The following ZFHX3 variants were observed in gnomAD, a reference collection of about 807,000 sequenced individuals.
ZFHX3 encodes the protein zinc finger homeobox protein 3.
In ZFHX3, 42 loss-of-function variants were observed where a neutral mutation model predicts 279.1. The ratio of observed to expected loss-of-function variants is 0.15; its 90% CI spans 0.12 to 0.19. ZFHX3 has a LOEUF of 0.19. ZFHX3 is among the 10% of genes least tolerant of loss of function. ZFHX3 has a pLI of 1.00. For synonymous variants in ZFHX3, 2,293 were observed against 1,957.8 expected (o/e 1.17, Z -4.52); for missense variants, 4,981 against 4,754.0 (o/e 1.05, Z -1.40).
In ZFHX3 at chr16:73,143,751, C is replaced by T. The variant is rs1466930661; in HGVS notation, c.-1024+1G>A. 6.9e-6 allele frequency: 9 copies of T among 1,305,170 alleles called. No homozygotes were observed. The highest frequency in any genetic ancestry group is 8.1e-6 in the Non-Finnish European group (8 of 988,670). The allele number at this position is 1,305,170 out of a possible 1,614,324, so 80.8% of individuals were successfully genotyped here. A position where few individuals can be genotyped will look rare whatever the true frequency, so the allele number is the denominator to read the frequency against. On this transcript the variant is annotated splice_donor_variant, in intron 6 of 17. Transcript: ENST00000641206. LOFTEE classifies it low-confidence loss of function (5UTR_SPLICE). ...TGAGAAACAAGAAAGCTGGAACTCA[C>T]CTCTCTAATTCCGGCAAAGCTGGAC...
At chr16:73,378,681 G>A (rs879927257) in intron 3 of ZFHX3, among the ~76,000 whole-genome samples, 3 of 152,090 alleles carry the variant, frequency 2.0e-5, no homozygotes, top group Non-Finnish European at 4.4e-5. Context: ...CATAACCCTC[G>A]TCCTTGACCA....
chr16:73,686,717 A>G (rs1409864037), intron 1 of ZFHX3, among the ~76,000 whole-genome samples: 1 of 152,088 alleles, frequency 6.6e-6, no homozygotes, highest in African/African-American at 2.4e-5. Flanking sequence ...TGTACTAACT[A>G]TAAAAGCAGT....
At chr16:73,560,294 C>G (rs2020350680) in intron 2 of ZFHX3, among the ~76,000 whole-genome samples, 1 of 152,160 alleles carries the variant, frequency 6.6e-6, no homozygotes. Flanking sequence ...CCTTCCGCCG[C>G]TGACATACAG....
At chr16:73,599,492 C>A (rs1252485908) in intron 2 of ZFHX3, among the ~76,000 whole-genome samples, 1 of 152,214 alleles carries the variant, frequency 6.6e-6, no homozygotes, top group African/African-American at 2.4e-5. Flanking sequence ...CCCTTCTGGG[C>A]ACAGGGCTCC....
chr16:73,037,141 G>A (rs2144691517), intron 1 of ZFHX3, among the ~76,000 whole-genome samples: 1 of 152,304 alleles, frequency 6.6e-6, no homozygotes, highest in South Asian at 2.1e-4. Flanking sequence ...ATTAAAAGCG[G>A]AGTCCAAACT....
At chr16:73,011,664 A>G (rs1963923748) in intron 1 of ZFHX3, among the ~76,000 whole-genome samples, 1 of 152,024 alleles carries the variant, frequency 6.6e-6, no homozygotes, top group Non-Finnish European at 1.5e-5. Context: ...CAGAGGTCGC[A>G]GTGCATGGAT....
At chr16:73,298,206 C>A (rs542515732) in intron 4 of ZFHX3, among the ~76,000 whole-genome samples, 1 of 148,328 alleles carries the variant, frequency 6.7e-6, no homozygotes, top group Admixed American at 6.6e-5. Flanking sequence ...ACAACAACAA[C>A]AAAAATCAGA....
chr16:72,906,873 C>T (rs1210957637), intron 3 of ZFHX3, among the ~76,000 whole-genome samples: 1 of 152,072 alleles, frequency 6.6e-6, no homozygotes, highest in Non-Finnish European at 1.5e-5. Flanking sequence ...TGGGGAGGAG[C>T]AAAGGAGGTG....
chr16:73,262,941 G>T (rs1471015981), intron 4 of ZFHX3, among the ~76,000 whole-genome samples: 2 of 152,064 alleles, frequency 1.3e-5, no homozygotes, highest in East Asian at 3.9e-4. Context: ...ATGTGAGTGA[G>T]GGGCCCCAGA....
At position 72,879,913 on chromosome 16, in the gene ZFHX3, C is replaced by T. The variant is rs374049061; in HGVS notation, c.3448+9818G>A. ...GCCAGCAAGAAGGTTTCGGTGAGGG[C>T]TGTGTGAGAACAGGCAAGGAAAGAG... On this transcript the variant is annotated intron_variant, in intron 4 of 9. Coordinates refer to ENST00000268489, the MANE Select transcript of ZFHX3 (RefSeq NM_006885.4). 4.6e-5 allele frequency among the ~76,000 whole-genome samples: 7 copies of T among 152,308 alleles called. No homozygotes were observed. In the South Asian group the frequency reaches 1.0e-3, roughly 23 times the overall value.
chr16:73,145,623 T>C (rs976943399), intron 5 of ZFHX3, among the ~76,000 whole-genome samples: 4 of 152,264 alleles, frequency 2.6e-5, no homozygotes, highest in African/African-American at 9.6e-5. Context: ...CCACTTATGA[T>C]GGATTTCTCT....
intron 7 of ZFHX3, among the ~76,000 whole-genome samples, chr16:73,105,374 T>TATATACACACACACACAC (rs1567389776): frequency 2.5e-5 from 1 of 39,648 alleles, no homozygotes; most frequent in African/African-American, 9.9e-5. Context: ...TACACACATA[T>TATATACACACACACACAC]ATATATATAC....
chr16:73,076,100 G>T (rs1200517399), intron 8 of ZFHX3, among the ~76,000 whole-genome samples: 1 of 152,062 alleles, frequency 6.6e-6, no homozygotes, highest in Non-Finnish European at 1.5e-5. Context: ...CACCCCACAG[G>T]GTTGTTTCAG....
chr16:73,676,055 C>A (rs768584599), intron 2 of ZFHX3, among the ~76,000 whole-genome samples: 1 of 151,840 alleles, frequency 6.6e-6, no homozygotes. Flanking sequence ...CTCAAACTCA[C>A]TAAGAGATTT....
intron 4 of ZFHX3, among the ~76,000 whole-genome samples, chr16:73,291,441 G>T (rs7194274): frequency 0.39 from 59,237 of 152,070 alleles, 12,422 homozygotes; most frequent in African/African-American, 0.55. Context: ...GAGATTATAC[G>T]CCAGTCCTCC....
At chr16:73,853,794 G>C (rs978559547) in intron 1 of ZFHX3, among the ~76,000 whole-genome samples, 3 of 152,028 alleles carry the variant, frequency 2.0e-5, no homozygotes, top group African/African-American at 7.3e-5. Context: ...ATATGCCCAC[G>C]TATCAAACAA....
intron 2 of ZFHX3, among the ~76,000 whole-genome samples, chr16:73,676,402 A>T (rs1403400618): frequency 2.8e-5 from 1 of 35,780 alleles, no homozygotes; most frequent in Non-Finnish European, 4.9e-5. Flanking sequence ...TAAAAGACAT[A>T]ATGACTTTTT....
At chr16:72,922,438 T>C (rs1597380218) in intron 3 of ZFHX3, among the ~76,000 whole-genome samples, 1 of 152,244 alleles carries the variant, frequency 6.6e-6, no homozygotes, top group African/African-American at 2.4e-5. Flanking sequence ...TTCCACCCAT[T>C]ATGCCAGTGT....
At chr16:72,929,410 A>T (rs1959667485) in intron 3 of ZFHX3, among the ~76,000 whole-genome samples, 1 of 152,188 alleles carries the variant, frequency 6.6e-6, no homozygotes, top group South Asian at 2.1e-4. Context: ...CTAAGTTTGA[A>T]AAAGCTCTGG....
Sources: allele counts gnomAD v4.1 joint callset (sites outside exome capture counted in the v4.1 genomes callset), GRCh38; gene constraint gnomAD v4.1.1; transcripts MANE v1.5; gene names NCBI Gene and HGNC (gene_info 2026-07-23, HGNC 2026-07-21).